The following PTPDC1 variants were observed in gnomAD, a reference collection of about 807,000 sequenced individuals.
The protein encoded by PTPDC1 is protein tyrosine phosphatase domain containing 1.
PTPDC1 carries 53 observed loss-of-function variants against 75.3 expected under a neutral mutation model. The observed-to-expected ratio is 0.70, with a 90% CI of 0.56 to 0.88. The LOEUF (loss-of-function observed/expected upper bound fraction) is 0.88. Ranked by LOEUF, PTPDC1 falls within the 40% of genes least tolerant of loss-of-function variation. The probability of loss-of-function intolerance (pLI) is 0.00; values close to 1 mark genes in which losing one functional copy is unlikely to be tolerated. For missense variants in PTPDC1, 925 were observed against 998.6 expected (o/e 0.93, Z 0.99); for synonymous variants, 349 against 366.2 (o/e 0.95, Z 0.54).
intron 4 of PTPDC1, among the ~76,000 whole-genome samples, chr9:94,094,573 G>T (rs1048533948): frequency 9.2e-5 from 14 of 152,286 alleles, no homozygotes; most frequent in Non-Finnish European, 1.8e-4. Flanking sequence ...TATAGAGGCA[G>T]GCAGGCCTCC....
At chr9:94,050,709 G>A (rs536855061) in intron 1 of PTPDC1, among the ~76,000 whole-genome samples, 24 of 152,280 alleles carry the variant, frequency 1.6e-4, no homozygotes, top group South Asian at 6.2e-4. Context: ...CTCAAACTGC[G>A]TACTGGGAGA....
chr9:94,038,954 AGAT>A (rs1411465012), intron 1 of PTPDC1, among the ~76,000 whole-genome samples: 1 of 152,218 alleles, frequency 6.6e-6, no homozygotes, highest in Non-Finnish European at 1.5e-5. Flanking sequence ...AAAATTTTAT[AGAT>A]GATCTATAAG....
chr9:94,064,282 A>G (rs928866969), intron 1 of PTPDC1, among the ~76,000 whole-genome samples: 1 of 152,198 alleles, frequency 6.6e-6, no homozygotes, highest in Non-Finnish European at 1.5e-5. Flanking sequence ...TCCTACTGAC[A>G]TGACTTCTAC....
rs1448559118 is a variant in PTPDC1 at position 94,104,244 on chromosome 9, A to AT, written c.2200-25dup. On this transcript the variant is annotated intron_variant, in intron 7 of 8. Coordinates refer to ENST00000620992, the MANE Select transcript of PTPDC1 (RefSeq NM_001253829.2). ...GATTTATTGAGGCATTTTTTGAAAA[A>AT]TTTTTTAAATTTTGATTTCTACAAA... 4.5e-6 allele frequency: 7 copies of AT among 1,551,000 alleles called. No homozygotes were observed. In the East Asian group the frequency reaches 9.1e-5, roughly 20 times the overall value.
intron 7 of PTPDC1, among the ~76,000 whole-genome samples, chr9:94,103,923 A>G (rs1827929357): frequency 6.6e-6 from 1 of 152,188 alleles, no homozygotes; most frequent in Non-Finnish European, 1.5e-5. Context: ...TATCTCTATG[A>G]CATGTCACCA....
At chr9:94,041,735 C>A (rs185758183) in intron 1 of PTPDC1, among the ~76,000 whole-genome samples, 147 of 152,260 alleles carry the variant, frequency 9.7e-4, no homozygotes, top group Non-Finnish European at 2.2e-4. Flanking sequence ...TTGAGCACTT[C>A]CCTACTTTTC....
intron 1 of PTPDC1, among the ~76,000 whole-genome samples, chr9:94,039,581 C>G (rs1825370892): frequency 6.6e-6 from 1 of 152,006 alleles, no homozygotes; most frequent in Non-Finnish European, 1.5e-5. Context: ...CTCAGGAATT[C>G]AAGACCAGCC....
Position 94,084,547 on chromosome 9 carries a change from C to G in PTPDC1, c.17C>G (p.Ala6Gly). The G allele has an allele frequency of 6.2e-7, 1 of 1,611,846 alleles. No individual in the cohort carries two copies. The change falls in exon 1 of 9, where the codon GCA becomes GGA. Residue 6 changes from alanine to glycine, a missense_variant. Coordinates refer to ENST00000620992, the MANE Select transcript of PTPDC1 (RefSeq NM_001253829.2). Reference protein sequence around the residue: MQVQDATRRPSAVRFL... With the variant: MQVQDGTRRPSAVRFL... ...CCCAGTGCCATGCAGGTGCAGGATG[C>G]AACCAGGCGGCCCTCAGCCGTGCGC...
chr9:94,032,713 G>A (rs1253049452), intron 1 of PTPDC1, among the ~76,000 whole-genome samples: 2 of 151,996 alleles, frequency 1.3e-5, no homozygotes, highest in Non-Finnish European at 2.9e-5. Context: ...TTGAGACGGG[G>A]TCTCACTCTG....
At chr9:94,084,279 T>A (rs569318457), upstream of PTPDC1, 1 of 377,618 alleles carries the variant, frequency 2.6e-6, no homozygotes, top group African/African-American at 2.1e-5. Flanking sequence ...TCAATATATT[T>A]AAAATTTATA....
intron 4 of PTPDC1, among the ~76,000 whole-genome samples, chr9:94,089,220 C>G: frequency 9.2e-6 from 1 of 108,622 alleles, no homozygotes; most frequent in Non-Finnish European, 1.8e-5. Context: ...CCAATGCTAT[C>G]CCTCCCCCCT....
chr9:94,062,140 A>T (rs1826162446), intron 1 of PTPDC1, among the ~76,000 whole-genome samples: 2 of 152,132 alleles, frequency 1.3e-5, no homozygotes, highest in South Asian at 4.1e-4. Context: ...CTTCCACTAG[A>T]TACCCTAAAT....
intron 1 of PTPDC1, among the ~76,000 whole-genome samples, chr9:94,060,798 C>T (rs1826103397): frequency 6.6e-6 from 1 of 152,092 alleles, no homozygotes; most frequent in Non-Finnish European, 1.5e-5. Flanking sequence ...AGAACTCTGC[C>T]CCCACCCATG....
At position 94,089,258 on chromosome 9, in the gene PTPDC1, T is replaced by G. The variant is rs1331156589; in HGVS notation, c.616+995T>G. Among the ~76,000 whole-genome samples, 6 of 135,814 alleles carry G rather than the reference T, an allele frequency of 4.4e-5. No individual in the cohort carries two copies. In the East Asian group the frequency reaches 1.3e-3, roughly 30 times the overall value. The allele number at this position is 135,814 out of a possible 152,430, so 89.1% of individuals were successfully genotyped here. Reference sequence around the variant, plus strand: ...CCCCACCCCACAACAGTCCCCAGAGTGTGATATTCCCCTTCCTGTGTCCAT... The same window carrying G: ...CCCCACCCCACAACAGTCCCCAGAGGGTGATATTCCCCTTCCTGTGTCCAT... On this transcript the variant is annotated intron_variant, in intron 4 of 8. Coordinates refer to ENST00000620992, the MANE Select transcript of PTPDC1 (RefSeq NM_001253829.2).
At chr9:94,105,451 T>C (rs994792828) in intron 8 of PTPDC1, among the ~76,000 whole-genome samples, 3 of 151,976 alleles carry the variant, frequency 2.0e-5, no homozygotes, top group Non-Finnish European at 2.9e-5. Context: ...GGGTGGATCA[T>C]GAGATCAGGA....
chr9:94,078,335 C>A (rs906656768), intron 2 of PTPDC1, among the ~76,000 whole-genome samples: 1 of 152,170 alleles, frequency 6.6e-6, no homozygotes, highest in South Asian at 2.1e-4. Context: ...TGTCGTTCCT[C>A]TACTTTCTGG....
rs756064186 is a variant in PTPDC1 at position 94,097,974 on chromosome 9, G to A, written c.1408G>A (p.Ala470Thr). The A allele has an allele frequency of 6.8e-6, 11 of 1,614,190 alleles. No individual in the cohort carries two copies. The highest frequency in any genetic ancestry group is 9.3e-6 in the Non-Finnish European group (11 of 1,180,034). The stretch of plus-strand genomic sequence containing the variant: ...AGGGGAGACTCCACAGACAGTGCCT[G>A]CCCAGATCTTGGTTGGCCACAAGCC... ...EQGETPQTVP[A>T]QILVGHKPRQ... The change falls in exon 6 of 9, where the codon GCC becomes ACC. Residue 470 changes from alanine (A) to threonine (T), a missense_variant. Ala to Thr is a moderately conservative substitution (Grantham distance 58). Coordinates refer to ENST00000620992, the MANE Select transcript of PTPDC1 (RefSeq NM_001253829.2).
At chr9:94,104,483 A>C (rs1046819400) in intron 8 of PTPDC1, 98 bp downstream of exon 8, 5 of 685,754 alleles carry the variant, frequency 7.3e-6, no homozygotes, top group Non-Finnish European at 1.3e-5. Flanking sequence ...AAAATAAAAC[A>C]TGTATGTGTA....
At position 94,108,001 on chromosome 9, in the gene PTPDC1, A is replaced by C; in HGVS notation, c.*57A>C. On this transcript the variant is annotated 3_prime_UTR_variant, in exon 9 of 9. Transcript: ENST00000620992. ...AGATCCAGATAGTATCTCTGTTCAT[A>C]TGTGAATAAGTTGAAGATTGTGGGG... 1.0e-6 allele frequency: 1 copy of C among 992,694 alleles called. No individual in the cohort carries two copies. The highest frequency in any genetic ancestry group is 1.4e-6 in the Non-Finnish European group (1 of 700,946). 61.5% of individuals were successfully genotyped at this position (992,694 alleles called of 1,614,324 possible). A position where few individuals can be genotyped will look rare whatever the true frequency, so the allele number is the denominator to read the frequency against.
Sources: gnomAD v4.1 joint callset for allele counts (sites outside exome capture counted in the v4.1 genomes callset) on GRCh38, gnomAD v4.1.1 for gene constraint, MANE v1.5 for transcripts, NCBI Gene and HGNC (gene_info 2026-07-23, HGNC 2026-07-21) for gene names.